Variants in SLC48A1 observed in about 807,000 individuals in gnomAD.
The protein encoded by SLC48A1 is heme transporter HRG1.
A neutral mutation model predicts 14.8 loss-of-function variants in SLC48A1; 6 were observed. That is an observed-to-expected ratio of 0.41 (90% confidence interval 0.22 to 0.80). SLC48A1 has a LOEUF of 0.80. Among genes scored for constraint, SLC48A1 ranks in the 30% least tolerant of loss-of-function variants. The pLI is 0.34. For synonymous variants in SLC48A1, 89 were observed against 90.0 expected, an observed-to-expected ratio of 0.99 and a Z score of 0.06; for missense variants, 165 against 204.8, an observed-to-expected ratio of 0.81 and a Z score of 1.19.
At position 47,773,312 on chromosome 12, in the gene SLC48A1, C is replaced by A. The variant is rs1188551965; in HGVS notation, c.8C>A (p.Pro3Gln). MA[P>Q]SRLQLGLRAA... ...GCCCGGCGCCGCAGCCCCATGGCCC[C>A]GTCCAGGCTGCAGCTCGGCCTCCGC... The change falls in exon 1 of 3, where the codon CCG (proline) becomes CAG (glutamine). Residue 3 changes from proline to glutamine, a missense_variant. By Grantham distance (76) the Pro-to-Gln change is moderately conservative. Transcript: ENST00000442218. 6 of 1,462,086 alleles carry A rather than the reference C, an allele frequency of 4.1e-6. No individual in the cohort carries two copies. Among genetic ancestry groups the A allele is most frequent in the South Asian group, 3.9e-5 (3 of 76,578 alleles). 90.6% of individuals were successfully genotyped at this position (1,462,086 alleles called of 1,614,324 possible).
At position 47,779,059 on chromosome 12, in the gene SLC48A1, C is replaced by T. The variant is rs1389794733; in HGVS notation, c.168C>T (p.His56=). The change falls in exon 2 of 3, where the codon CAC becomes CAT. Residue 56 remains histidine, a synonymous_variant. Coordinates refer to ENST00000442218, the MANE Select transcript of SLC48A1 (RefSeq NM_017842.3). Reference sequence around the variant, plus strand: ...TGGCACTGTGGGTCCTGGTGACGCACGTGATGTACATGCAAGATTATTGGA... The same window carrying T: ...TGGCACTGTGGGTCCTGGTGACGCATGTGATGTACATGCAAGATTATTGGA... ...GVLALWVLVT[H]VMYMQDYWRT... is the part of the protein sequence containing the mutation. 20 of 1,551,740 alleles carry T rather than the reference C, an allele frequency of 1.3e-5. No homozygotes were observed. The highest frequency in any genetic ancestry group is 7.1e-5 in the South Asian group (6 of 84,062).
At chr12:47,773,164 G>T, upstream of SLC48A1, 2 of 982,910 alleles carry the variant, frequency 2.0e-6, no homozygotes, top group South Asian at 9.0e-5. Flanking sequence ...CGCTGTGCGG[G>T]CGGCGCTGGG....
chr12:47,759,340 G>T (rs1030427599), intron 1 of SLC48A1, among the ~76,000 whole-genome samples: 1 of 152,230 alleles, frequency 6.6e-6, no homozygotes, highest in African/African-American at 2.4e-5. Context: ...GAGGGAATAG[G>T]CGGCTTTCCC....
chr12:47,760,220 T>C, exon 2 of SLC48A1: 3 of 985,488 alleles, frequency 3.0e-6, no homozygotes, highest in Non-Finnish European at 3.6e-6. Context: ...CCCCAGGTCA[T>C]CTGCTGTGTC....
upstream of SLC48A1, among the ~76,000 whole-genome samples, chr12:47,767,081 G>C (rs564301599): frequency 3.2e-4 from 49 of 152,194 alleles, no homozygotes; most frequent in African/African-American, 5.8e-4. Context: ...GCTGCAGGAG[G>C]GGGGCCTGGG....
intron 2 of SLC48A1, among the ~76,000 whole-genome samples, chr12:47,764,978 G>T (rs1942481199): frequency 6.7e-6 from 1 of 149,930 alleles, no homozygotes; most frequent in Non-Finnish European, 1.5e-5. Context: ...TCGGGAGGCT[G>T]AGGCAGGAGA....
chr12:47,780,576 T>C lies in SLC48A1; in HGVS notation c.*295T>C, dbSNP rs762598020. ...TTCTTTCTTTTTTTTTTCTTTTTTT[T>C]TTTTTTTTGAGATGGAGTCTTACTC... On this transcript the variant is annotated 3_prime_UTR_variant, in exon 3 of 3. Transcript: ENST00000442218. The C allele has an allele frequency of 1.8e-6, 1 of 548,492 alleles. No homozygotes were observed. The highest frequency in any genetic ancestry group is 3.5e-6 in the Non-Finnish European group (1 of 288,474). 34.0% of individuals were successfully genotyped at this position (548,492 alleles called of 1,614,324 possible).
At chr12:47,763,790 G>A (rs1287564550) in intron 2 of SLC48A1, among the ~76,000 whole-genome samples, 1 of 152,230 alleles carries the variant, frequency 6.6e-6, no homozygotes, top group African/African-American at 2.4e-5. Flanking sequence ...CCTGTAGGAG[G>A]CCAATGTGGG....
At chr12:47,778,959 G>T (rs970093150) in intron 1 of SLC48A1, 69 bp from the exon 2 acceptor site, 8 of 1,459,852 alleles carry the variant, frequency 5.5e-6, no homozygotes, top group East Asian at 2.5e-5. Flanking sequence ...ATGCAAATAG[G>T]CCTGGTCTAG....
chr12:47,778,437 C>G (rs945741062), intron 1 of SLC48A1: 1 of 152,592 alleles, frequency 6.6e-6, no homozygotes, highest in African/African-American at 2.4e-5. Flanking sequence ...TGGGAAGAGC[C>G]CTGCAGGCCT....
chr12:47,772,694 A>T (rs532163198), upstream of SLC48A1, among the ~76,000 whole-genome samples: 1 of 150,170 alleles, frequency 6.7e-6, no homozygotes, highest in Admixed American at 6.6e-5. Context: ...AAAAGTAGGG[A>T]TTTGTGGGGA....
chr12:47,778,969 G>C (rs994161165), intron 1 of SLC48A1, 59 bp from the exon 2 acceptor site: 1 of 1,503,188 alleles, frequency 6.7e-7, no homozygotes, highest in Non-Finnish European at 8.9e-7. Context: ...GCCTGGTCTA[G>C]TGGATCTGCA....
intron 1 of SLC48A1, among the ~76,000 whole-genome samples, chr12:47,778,071 C>T (rs751609046): frequency 2.0e-5 from 3 of 152,258 alleles, no homozygotes; most frequent in Non-Finnish European, 4.4e-5. Flanking sequence ...TCATTTGTCC[C>T]TTGCCGGGAT....
Position 47,780,758 on chromosome 12 carries a change from G to C in SLC48A1, c.*477G>C, listed in dbSNP as rs1205347247. 2 of 419,350 alleles carry C rather than the reference G, an allele frequency of 4.8e-6. No individual in the cohort carries two copies. Among genetic ancestry groups the C allele is most frequent in the African/African-American group, 4.1e-5 (2 of 48,676 alleles). 26.0% of individuals were successfully genotyped at this position (419,350 alleles called of 1,614,324 possible). On this transcript the variant is annotated 3_prime_UTR_variant, in exon 3 of 3. Coordinates refer to ENST00000442218, the MANE Select transcript of SLC48A1 (RefSeq NM_017842.3). Reference sequence around the variant, plus strand: ...ATTTTTGTGTTTTTAGTAGAGACAGGGTTTTGCCATGTTGGCCAGGCTGGT... The same window carrying C: ...ATTTTTGTGTTTTTAGTAGAGACAGCGTTTTGCCATGTTGGCCAGGCTGGT...
chr12:47,770,154 A>G (rs1048784206), upstream of SLC48A1, among the ~76,000 whole-genome samples: 12 of 152,384 alleles, frequency 7.9e-5, 1 homozygote, highest in East Asian at 2.3e-3. Flanking sequence ...TGTTTCCACA[A>G]TTTAAAAAAT....
At chr12:47,773,488 C>A in intron 1 of SLC48A1, 48 bp downstream of exon 1, 6 of 1,285,448 alleles carry the variant, frequency 4.7e-6, no homozygotes, top group Non-Finnish European at 5.9e-6. Context: ...GGCTGCGGGG[C>A]GGGCGCCGTC....
At chr12:47,766,898 G>T (rs1942527111), upstream of SLC48A1, among the ~76,000 whole-genome samples, 1 of 152,122 alleles carries the variant, frequency 6.6e-6, no homozygotes. Flanking sequence ...CCTAGCCCTG[G>T]GGAGCTGCAT....
At chr12:47,759,979 C>T (rs1942325703) in intron 1 of SLC48A1, among the ~76,000 whole-genome samples, 1 of 152,116 alleles carries the variant, frequency 6.6e-6, no homozygotes, top group East Asian at 1.9e-4. Flanking sequence ...GAAGAGGTAG[C>T]TCTAAGAAGC....
At chr12:47,760,292 G>T in exon 2 of SLC48A1, 2 of 985,476 alleles carry the variant, frequency 2.0e-6, no homozygotes, top group Non-Finnish European at 2.4e-6. Context: ...GAAAGCCTGA[G>T]AATGAATCTG....
Sources: gnomAD v4.1 joint callset for allele counts (sites outside exome capture counted in the v4.1 genomes callset) on GRCh38, gnomAD v4.1.1 for gene constraint, MANE v1.5 for transcripts, NCBI Gene and HGNC (gene_info 2026-07-23, HGNC 2026-07-21) for gene names.